The following INCENP variants were observed in gnomAD, a reference collection of about 807,000 sequenced individuals.
INCENP encodes binds and activates aurora-B and -C in vivo and in vitro.
A neutral mutation model predicts 107.3 loss-of-function variants in INCENP; 43 were observed. That is an observed-to-expected ratio of 0.40 (90% CI 0.31 to 0.52). The LOEUF (loss-of-function observed/expected upper bound fraction) is 0.52, where lower values mean the gene tolerates loss of function less well. Among genes scored for constraint, INCENP ranks in the 20% least tolerant of loss-of-function variants. The pLI is 0.53. For missense variants in INCENP, 1,089 were observed against 1,250.9 expected (o/e 0.87, Z 1.95); for synonymous variants, 488 against 494.4 (o/e 0.99, Z 0.17).
At chr11:62,131,830 T>G (rs1943900270) in intron 4 of INCENP, among the ~76,000 whole-genome samples, 5 of 151,464 alleles carry the variant, frequency 3.3e-5, no homozygotes, top group Non-Finnish European at 1.5e-5. Flanking sequence ...CAGGCTGGAG[T>G]GCAATGGCAC....
rs117978805 is a variant in INCENP at position 62,141,220 on chromosome 11, G to T, written c.1593+176G>T. Among the ~76,000 whole-genome samples, 2,157 of 152,316 alleles carry T rather than the reference G, an allele frequency of 0.014. 21 individuals are homozygous for T. The highest frequency in any genetic ancestry group is 0.028 in the South Asian group (133 of 4,830). ...CCACCGGCTGTCTTGACCTCTGAGGGCACTGTCCTGCACTTGACCTTGTGG... is the reference window on the plus strand; with the variant it reads ...CCACCGGCTGTCTTGACCTCTGAGGTCACTGTCCTGCACTTGACCTTGTGG... On this transcript the variant is annotated intron_variant, in intron 10 of 18. Coordinates refer to ENST00000394818, the MANE Select transcript of INCENP (RefSeq NM_001040694.2).
chr11:62,140,972 C>G lies in INCENP; in HGVS notation c.1521C>G (p.Thr507=). The change falls in exon 10 of 19, where the codon ACC becomes ACG. Residue 507 remains threonine (T), a synonymous_variant. Transcript: ENST00000394818. The stretch of plus-strand genomic sequence containing the variant: ...TGCAGAGGAACCAGATGCTCATGAC[C>G]CCGACCTCAGCCCCACGCAGCGTCA... ...HTVQRNQMLM[T]PTSAPRSVMK... is the part of the protein sequence containing the mutation. 1.2e-6 allele frequency: 2 copies of G among 1,614,242 alleles called. No individual in the cohort carries two copies. Among genetic ancestry groups the G allele is most frequent in the Non-Finnish European group, 1.7e-6 (2 of 1,180,044 alleles).
Position 62,130,614 on chromosome 11 carries a change from G to A in INCENP, c.1063+24G>A, listed in dbSNP as rs1199495764. On this transcript the variant is annotated intron_variant, in intron 4 of 18. Transcript: ENST00000394818. ...CTGTGAGTCTGGGGGCTTGGCAGTGGCGGGTGGTCCTTGGTGCCAGGCTCA... is the reference window on the plus strand; with the variant it reads ...CTGTGAGTCTGGGGGCTTGGCAGTGACGGGTGGTCCTTGGTGCCAGGCTCA... 2.5e-6 allele frequency: 4 copies of A among 1,591,318 alleles called. No individual in the cohort carries two copies. The African/African-American group carries it at 5.4e-5, about 21-fold the overall frequency.
At chr11:62,141,620 C>T (rs1168909506) in intron 11 of INCENP, 109 bp downstream of exon 11, 28 of 1,404,296 alleles carry the variant, frequency 2.0e-5, no homozygotes, top group African/African-American at 4.2e-5. Flanking sequence ...ACATTGTAAG[C>T]GGGAGGGGAG....
At chr11:62,139,406 C>T (rs374548138) in intron 7 of INCENP, among the ~76,000 whole-genome samples, 2 of 152,298 alleles carry the variant, frequency 1.3e-5, no homozygotes, top group East Asian at 3.9e-4. Context: ...TTTGTATGTC[C>T]ATCCTTGTCT....
rs200866410 is a variant in INCENP, at chr11:62,145,297, C to T, written c.1836+8C>T. 432 of 1,613,892 alleles carry T rather than the reference C, an allele frequency of 2.7e-4. 5 individuals are homozygous for T. In the South Asian group the frequency reaches 3.7e-3, roughly 14 times the overall value. On this transcript the variant is annotated splice_region_variant and intron_variant, in intron 13 of 18. Transcript: ENST00000394818. ...GACGAGAAGACTGAGAAGGTGGGAG[C>T]CTGGGCTGTGGAGGCCCAGGCAATT... is the stretch of plus-strand genomic sequence containing the variant.
chr11:62,146,978 A>G, intron 15 of INCENP, 76 bp downstream of exon 15: 2 of 1,566,622 alleles, frequency 1.3e-6, no homozygotes, highest in Non-Finnish European at 1.7e-6. Flanking sequence ...GCCTGGACAC[A>G]GCCCCACCTG....
chr11:62,130,452 G>A lies in INCENP; in HGVS notation c.925G>A (p.Ala309Thr), dbSNP rs780332581. The stretch of plus-strand genomic sequence containing the variant: ...TCAATCGGTGCGGCACAGCCCGATC[G>A]CCCCGTCTTCCCCGAGTCCCCAAGT... ...DSQSVRHSPI[A>T]PSSPSPQVLA... The change falls in exon 4 of 19, where the codon GCC (alanine) becomes ACC (threonine). Residue 309 changes from alanine to threonine, a missense_variant. By Grantham distance (58) the Ala-to-Thr change is moderately conservative (BLOSUM62 0). Coordinates refer to ENST00000394818, the MANE Select transcript of INCENP (RefSeq NM_001040694.2). 9.3e-6 allele frequency: 15 copies of A among 1,613,898 alleles called. No homozygotes were observed. In the African/African-American group the frequency reaches 1.1e-4, roughly 11 times the overall value.
chr11:62,142,634 A>G (rs1944148669), intron 11 of INCENP, among the ~76,000 whole-genome samples: 1 of 152,248 alleles, frequency 6.6e-6, no homozygotes. Flanking sequence ...TTTTCTCAGC[A>G]TTGCAATTTA....
rs1944124788 is a variant in INCENP at position 62,141,596 on chromosome 11, C to G, written c.1605+85C>G. 1.7e-5 allele frequency: 25 copies of G among 1,502,108 alleles called. 1 individual carries two copies. The South Asian group carries it at 2.6e-4, about 16-fold the overall frequency. 93.0% of individuals were successfully genotyped at this position (1,502,108 alleles called of 1,614,324 possible). On this transcript the variant is annotated intron_variant, in intron 11 of 18. Coordinates refer to ENST00000394818, the MANE Select transcript of INCENP (RefSeq NM_001040694.2). Reference sequence around the variant, plus strand: ...CCCTTCCCTGCGTAGCTGACAGCACCTGTAGATGCACTAACATTGTAAGCG... The same window carrying G: ...CCCTTCCCTGCGTAGCTGACAGCACGTGTAGATGCACTAACATTGTAAGCG...
chr11:62,138,407 C>T (rs1476602604), intron 5 of INCENP, among the ~76,000 whole-genome samples: 1 of 152,220 alleles, frequency 6.6e-6, no homozygotes, highest in Admixed American at 6.5e-5. Flanking sequence ...AAAAGAGATG[C>T]AGCTCACCTG....
chr11:62,137,092 G>A (rs186066636), intron 4 of INCENP, among the ~76,000 whole-genome samples: 5 of 152,128 alleles, frequency 3.3e-5, no homozygotes, highest in South Asian at 2.1e-4. Context: ...AGTGGCTCAC[G>A]CCTGTAATCC....
In INCENP at chr11:62,128,807, CCTT is replaced by C. The variant is rs1413015067; in HGVS notation, c.181_183del (p.Ser61del). 1.9e-6 allele frequency: 3 copies of C among 1,614,138 alleles called. No homozygotes were observed. The highest frequency in any genetic ancestry group is 2.5e-6 in the Non-Finnish European group (3 of 1,179,968). ...AGAGCCAGAGCTGATGCCCAAAACA[CCTT>C]CTCAGAAGAACCGACGGAAGAAGAG... On this transcript the variant is annotated inframe_deletion, in exon 3 of 19. Coordinates refer to ENST00000394818, the MANE Select transcript of INCENP (RefSeq NM_001040694.2).
chr11:62,129,230 C>T (rs146802307), intron 3 of INCENP, among the ~76,000 whole-genome samples: 2 of 152,288 alleles, frequency 1.3e-5, no homozygotes, highest in African/African-American at 4.8e-5. Context: ...CGTGCCTTGT[C>T]CCAGCCGTCA....
At chr11:62,128,074 G>A in intron 1 of INCENP, 77 bp from the exon 2 acceptor site, 7 of 1,468,536 alleles carry the variant, frequency 4.8e-6, no homozygotes, top group Non-Finnish European at 5.6e-6. Context: ...GGGTCAGGTG[G>A]GTATTGCAGC....
chr11:62,124,765 A>G (rs11230915), intron 1 of INCENP, among the ~76,000 whole-genome samples: 80,158 of 151,862 alleles, frequency 0.53, 23,341 homozygotes, highest in Non-Finnish European at 0.67. Flanking sequence ...AAGGCGGTAT[A>G]GCCCGTGGTT....
In INCENP at chr11:62,128,413, G is replaced by T. The variant is rs539680507; in HGVS notation, c.140+112G>T. On this transcript the variant is annotated intron_variant, in intron 2 of 18. Transcript: ENST00000394818. ...GCCTACCTGGCAAAACAGACAGCCT[G>T]TCAGGGCTCCCTGCTGTATACTGTG... The T allele has an allele frequency of 4.2e-6, 5 of 1,178,962 alleles. No homozygotes were observed. In the East Asian group the frequency reaches 1.2e-4, roughly 29 times the overall value. The allele number at this position is 1,178,962 out of a possible 1,614,324, so 73.0% of individuals were successfully genotyped here. A position where few individuals can be genotyped will look rare whatever the true frequency, so the allele number is the denominator to read the frequency against.
intron 4 of INCENP, among the ~76,000 whole-genome samples, 195 bp from the exon 5 acceptor site, chr11:62,137,637 G>A (rs1711173519): frequency 6.6e-6 from 1 of 152,124 alleles, no homozygotes; most frequent in South Asian, 2.1e-4. Flanking sequence ...AAGCAGCCGG[G>A]GACATGAAGC....
At position 62,151,576 on chromosome 11, in the gene INCENP, G is replaced by A. The variant is rs2254470; in HGVS notation, c.2543-186G>A. On this transcript the variant is annotated intron_variant, in intron 18 of 18. Transcript: ENST00000394818. ...TGTAAGGTTAAGCTGCCAGAGGAAG[G>A]TTGGAAGGATGTGACACAAGGGCGT... Among the ~76,000 whole-genome samples, 3,316 of 152,324 alleles carry A rather than the reference G, an allele frequency of 0.022. 124 individuals carry two copies. Among genetic ancestry groups the A allele is most frequent in the African/African-American group, 0.075 (3,134 of 41,558 alleles).
Sources: allele counts gnomAD v4.1 joint callset (sites outside exome capture counted in the v4.1 genomes callset), GRCh38; gene constraint gnomAD v4.1.1; transcripts MANE v1.5; gene names NCBI Gene and HGNC (gene_info 2026-07-23, HGNC 2026-07-21).